The following KIF1B variants were observed in gnomAD, a reference collection of about 807,000 sequenced individuals.
KIF1B encodes the protein kinesin family member 1B.
KIF1B carries 76 observed loss-of-function variants against 241.9 expected under a neutral mutation model. The observed-to-expected ratio is 0.31, with a 90% CI of 0.26 to 0.38. KIF1B has a LOEUF of 0.38. Among genes scored for constraint, KIF1B ranks in the 10% least tolerant of loss-of-function variants. The pLI is 1.00. For synonymous variants in KIF1B, 750 were observed against 796.7 expected (o/e 0.94, Z 0.99); for missense variants, 1,622 against 2,271.4 (o/e 0.71, Z 5.81).
chr1:10,366,642 G>A (rs1438034271), intron 43 of KIF1B, among the ~76,000 whole-genome samples: 1 of 152,206 alleles, frequency 6.6e-6, no homozygotes, highest in East Asian at 1.9e-4. Context: ...GATGATGGGA[G>A]CAAGGCAGAA....
At chr1:10,359,380 C>A (rs1234192874) in intron 38 of KIF1B, among the ~76,000 whole-genome samples, 1 of 152,154 alleles carries the variant, frequency 6.6e-6, no homozygotes, top group African/African-American at 2.4e-5. Context: ...ATCTTCCCCT[C>A]CACTTGTCAT....
Position 10,337,394 on chromosome 1 carries a change from G to A in KIF1B, c.3283G>A (p.Asp1095Asn), listed in dbSNP as rs1569853850. The A allele has an allele frequency of 6.2e-7, 1 of 1,614,200 alleles. No individual in the cohort carries two copies. Among genetic ancestry groups the A allele is most frequent in the Non-Finnish European group, 8.5e-7 (1 of 1,180,040 alleles). ...DLDLKSSTLL[D>N]GKMVMEGFSE... is the part of the protein sequence containing the mutation. ...AGATTTGAAGTCAAGCACTTTGCTGGATGGTAAGATGGTAATGGAAGGGTT... is the reference window on the plus strand; with the variant it reads ...AGATTTGAAGTCAAGCACTTTGCTGAATGGTAAGATGGTAATGGAAGGGTT... Residue 1095 changes from aspartate (D) to asparagine (N), a missense_variant, in exon 31 of 49, where the codon GAT (aspartate) becomes AAT (asparagine). Physicochemically the swap from Asp to Asn is conservative, Grantham distance 23. Coordinates refer to ENST00000676179, the MANE Select transcript of KIF1B (RefSeq NM_001365951.3). This position sits in a 1 kb window ranked among gnomAD's most constrained non-coding sequence, Gnocchi z 4.0.
chr1:10,297,401 C>A (rs1237768577), intron 22 of KIF1B, among the ~76,000 whole-genome samples, 155 bp downstream of exon 22: 1 of 152,150 alleles, frequency 6.6e-6, no homozygotes, highest in Non-Finnish European at 1.5e-5. Context: ...ACTTAAATCT[C>A]CCGGTAGCCT....
At position 10,261,945 on chromosome 1, in the gene KIF1B, A is replaced by G. The variant is rs764364465; in HGVS notation, c.404A>G (p.Asn135Ser). The change falls in exon 5 of 49, where the codon AAT becomes AGT. Residue 135 changes from asparagine (N) to serine (S), a missense_variant. Coordinates refer to ENST00000676179, the MANE Select transcript of KIF1B (RefSeq NM_001365951.3). Reference protein sequence around the residue: ...ELFEKINDNCNEEMSYSVEVS... With the variant: ...ELFEKINDNCSEEMSYSVEVS... ...TTTGAGAAAATCAATGACAACTGTA[A>G]TGAAGAAATGTCTTACTCTGTAGAG... 2 of 1,612,056 alleles carry G rather than the reference A, an allele frequency of 1.2e-6. No individual in the cohort carries two copies. The highest frequency in any genetic ancestry group is 1.7e-5 in the Admixed American group (1 of 60,016).
At chr1:10,279,798 G>A (rs1360429208) in intron 14 of KIF1B, among the ~76,000 whole-genome samples, 1 of 142,002 alleles carries the variant, frequency 7.0e-6, no homozygotes, top group Non-Finnish European at 1.5e-5. Context: ...TTGGGCTCAA[G>A]TGATCTTTCC....
At chr1:10,299,611 T>C (rs1650439766) in intron 22 of KIF1B, among the ~76,000 whole-genome samples, 1 of 152,228 alleles carries the variant, frequency 6.6e-6, no homozygotes, top group Non-Finnish European at 1.5e-5. Context: ...ATTTACCATA[T>C]GTAATCACTT....
intron 1 of KIF1B, among the ~76,000 whole-genome samples, chr1:10,228,409 T>A (rs1646937829): frequency 3.3e-5 from 5 of 152,198 alleles, no homozygotes. Flanking sequence ...ATTTGACTTT[T>A]AAAAATCAAT....
In KIF1B at chr1:10,378,183, C is replaced by A; in HGVS notation, c.*1596C>A. ...AACTAACCGTGACCACTACTCCAAA[C>A]AAAACACAATATGCCTAGGGGCACG... On this transcript the variant is annotated 3_prime_UTR_variant, in exon 49 of 49. Transcript: ENST00000676179. The A allele has an allele frequency of 1.6e-6, 1 of 622,596 alleles. No homozygotes were observed. The highest frequency in any genetic ancestry group is 2.9e-6 in the Non-Finnish European group (1 of 348,164). The allele number at this position is 622,596 out of a possible 1,614,324, so 38.6% of individuals were successfully genotyped here. A position where few individuals can be genotyped will look rare whatever the true frequency, so the allele number is the denominator to read the frequency against.
intron 3 of KIF1B, among the ~76,000 whole-genome samples, chr1:10,257,661 G>T (rs1168312501): frequency 6.6e-6 from 1 of 151,652 alleles, no homozygotes; most frequent in East Asian, 1.9e-4. Context: ...ACATGTTTTT[G>T]GTTTTGTTTT....
At position 10,376,764 on chromosome 1, in the gene KIF1B, CTT is replaced by C. The variant is rs1174668890; in HGVS notation, c.*180_*181del. On this transcript the variant is annotated 3_prime_UTR_variant, in exon 49 of 49. Transcript: ENST00000676179. The stretch of plus-strand genomic sequence containing the variant: ...TTCCCCATCTCCATTGCTCTGTACT[CTT>C]TTCTTTTTTCTTGTGCTGAGAATCT... The C allele has an allele frequency of 2.0e-5, 13 of 656,338 alleles. No homozygotes were observed. Among genetic ancestry groups the C allele is most frequent in the East Asian group, 1.7e-4 (6 of 35,452 alleles). 40.7% of individuals were successfully genotyped at this position (656,338 alleles called of 1,614,324 possible). A position where few individuals can be genotyped will look rare whatever the true frequency, so the allele number is the denominator to read the frequency against.
intron 1 of KIF1B, among the ~76,000 whole-genome samples, chr1:10,215,847 C>T (rs1389298554): frequency 3.3e-5 from 5 of 152,152 alleles, no homozygotes; most frequent in African/African-American, 4.8e-5. Context: ...CTGTGCCCAG[C>T]CCCATTGCTC....
intron 45 of KIF1B, among the ~76,000 whole-genome samples, chr1:10,372,109 TAACAC>T (rs1045568294): frequency 1.3e-5 from 2 of 152,070 alleles, no homozygotes; most frequent in African/African-American, 4.8e-5. Flanking sequence ...CTGGAGAAAA[TAACAC>T]AACCAGGTAA....
At chr1:10,354,667 A>G (rs2102337011) in intron 38 of KIF1B, among the ~76,000 whole-genome samples, 1 of 152,320 alleles carries the variant, frequency 6.6e-6, no homozygotes, top group African/African-American at 2.4e-5. Flanking sequence ...AATAAGTACA[A>G]CTGGCATAAA....
chr1:10,236,211 G>A (rs1053035877), intron 2 of KIF1B, among the ~76,000 whole-genome samples: 1 of 152,042 alleles, frequency 6.6e-6, no homozygotes, highest in Non-Finnish European at 1.5e-5. Flanking sequence ...AGCGGAGGTT[G>A]CAGTGAGCTG....
chr1:10,273,019 C>T lies in KIF1B; in HGVS notation c.870C>T (p.Asn290=). The T allele has an allele frequency of 6.5e-7, 1 of 1,546,228 alleles. No homozygotes were observed. The highest frequency in any genetic ancestry group is 8.7e-7 in the Non-Finnish European group (1 of 1,143,332). ...TTAAATGCTTTCACCTGTAGGATAA[C>T]TGCACTAGCAAGGTACAGTGGGGAT... ...KVISALAEVD[N]CTSKSKKKKK... is the part of the protein sequence containing the mutation. Residue 290 remains asparagine (N), a synonymous_variant, in exon 10 of 49, where the codon AAC becomes AAT. Transcript: ENST00000676179.
chr1:10,353,168 T>C (rs1652859875), intron 38 of KIF1B, among the ~76,000 whole-genome samples: 1 of 152,202 alleles, frequency 6.6e-6, no homozygotes. Context: ...CCCTCTGAGA[T>C]AAAATGAAGC....
At chr1:10,355,204 A>G (rs1652932511) in intron 38 of KIF1B, among the ~76,000 whole-genome samples, 4 of 152,310 alleles carry the variant, frequency 2.6e-5, no homozygotes, top group East Asian at 1.9e-4. Context: ...TAAGTCCTCT[A>G]TGGAATTGTG....
At chr1:10,243,424 A>G (rs1351605684) in intron 2 of KIF1B, among the ~76,000 whole-genome samples, 1 of 152,196 alleles carries the variant, frequency 6.6e-6, no homozygotes, top group Non-Finnish European at 1.5e-5. Flanking sequence ...GTCTCAAAAA[A>G]CAATTGCCTT....
chr1:10,227,808 CA>C (rs573736926), intron 1 of KIF1B: 11 of 144,458 alleles, frequency 7.6e-5, no homozygotes, highest in South Asian at 4.4e-4. Context: ...AACTTCATCT[CA>C]AAAAAAAAAG....
Sources: gnomAD v4.1 joint callset for allele counts (sites outside exome capture counted in the v4.1 genomes callset) on GRCh38, gnomAD v4.1.1 for gene constraint, Gnocchi (gnomAD v3.1) non-coding constraint, MANE v1.5 for transcripts, NCBI Gene and HGNC (gene_info 2026-07-23, HGNC 2026-07-21) for gene names.